The following TBC1D30 variants were observed in gnomAD, a reference collection of about 807,000 sequenced individuals.
TBC1D30 encodes TBC1 domain family member 30, also known as TBC1 domain family, member 30.
TBC1D30 carries 31 observed loss-of-function variants against 63.2 expected under a neutral mutation model. That is an observed-to-expected ratio of 0.49 (90% confidence interval 0.37 to 0.66). The LOEUF (loss-of-function observed/expected upper bound fraction) is 0.66. TBC1D30 is among the 30% of genes least tolerant of loss of function. The pLI, the probability that TBC1D30 is intolerant of heterozygous loss-of-function variation, is 0.00. For missense variants in TBC1D30, 810 were observed against 953.6 expected (o/e 0.85, Z 1.98); for synonymous variants, 307 against 361.5 (o/e 0.85, Z 1.71).
intron 8 of TBC1D30, among the ~76,000 whole-genome samples, chr12:64,858,722 G>A (rs1877522632): frequency 6.6e-6 from 1 of 152,176 alleles, no homozygotes; most frequent in South Asian, 2.1e-4. Context: ...TTTCTATGCT[G>A]TATATTAACT....
At chr12:64,871,561 T>A (rs911433442) in intron 11 of TBC1D30, among the ~76,000 whole-genome samples, 4 of 152,214 alleles carry the variant, frequency 2.6e-5, no homozygotes, top group Admixed American at 1.3e-4. Context: ...AAAACTGAAT[T>A]TACCTTCCAT....
chr12:64,874,102 G>A (rs1485244700), intron 11 of TBC1D30, among the ~76,000 whole-genome samples: 1 of 152,130 alleles, frequency 6.6e-6, no homozygotes, highest in Admixed American at 6.5e-5. Flanking sequence ...TTGTTCGTTT[G>A]TTTTGAGAAG....
rs182389579 is a variant in TBC1D30 at position 64,832,833 on chromosome 12, C to A, written c.594+529C>A. Among the ~76,000 whole-genome samples, 153 of 152,266 alleles carry A rather than the reference C, an allele frequency of 1.0e-3. 2 individuals are homozygous for A. The highest frequency in any genetic ancestry group is 8.2e-3 in the Admixed American group (126 of 15,288). On this transcript the variant is annotated intron_variant, in intron 5 of 11. Coordinates refer to ENST00000539867, the MANE Select transcript of TBC1D30 (RefSeq NM_015279.2). Reference sequence around the variant, plus strand: ...TTCCTTGCTGGCTGTTGACTGGAGGCCTTTTATAGTTCCTTGCCATGTAGC... The same window carrying A: ...TTCCTTGCTGGCTGTTGACTGGAGGACTTTTATAGTTCCTTGCCATGTAGC...
intron 2 of TBC1D30, among the ~76,000 whole-genome samples, chr12:64,789,309 C>T (rs952969829): frequency 1.3e-5 from 2 of 151,436 alleles, no homozygotes; most frequent in African/African-American, 2.4e-5. Context: ...CTCATCCTCC[C>T]GAGTAGCTGG....
intron 8 of TBC1D30, among the ~76,000 whole-genome samples, chr12:64,860,957 C>T (rs116800676): frequency 3.0e-3 from 453 of 152,318 alleles, no homozygotes; most frequent in African/African-American, 1.0e-2. Flanking sequence ...CATCTCATTT[C>T]GCTTACAGTT....
intron 2 of TBC1D30, among the ~76,000 whole-genome samples, chr12:64,807,768 C>T (rs1872956181): frequency 6.6e-6 from 1 of 151,952 alleles, no homozygotes; most frequent in Admixed American, 6.6e-5. Context: ...TTTTTAGAGA[C>T]AGGGTCTTTC....
Position 64,879,368 on chromosome 12 carries a change from G to A in TBC1D30, c.*3580G>A, listed in dbSNP as rs1054853816. 6.6e-6 allele frequency: 1 copy of A among 152,214 alleles called. No individual in the cohort carries two copies. Among genetic ancestry groups the A allele is most frequent in the Admixed American group, 6.5e-5 (1 of 15,284 alleles). 9.4% of individuals were successfully genotyped at this position (152,214 alleles called of 1,614,324 possible). A position where few individuals can be genotyped will look rare whatever the true frequency, so the allele number is the denominator to read the frequency against. ...TTCTGATTAGATAGTAGTAGAGACA[G>A]TATCCTGTTACATGTATGTACATAG... On this transcript the variant is annotated 3_prime_UTR_variant, in exon 12 of 12. Coordinates refer to ENST00000539867, the MANE Select transcript of TBC1D30 (RefSeq NM_015279.2).
rs73327209 is a variant in TBC1D30 at position 64,865,554 on chromosome 12, G to A, written c.1151+774G>A. On this transcript the variant is annotated intron_variant, in intron 9 of 11. Coordinates refer to ENST00000539867, the MANE Select transcript of TBC1D30 (RefSeq NM_015279.2). ...CTAATATGTAAAATTCCTAGAAATC[G>A]ATAAGAAAATGGCCACCCAAGCTGG... Among the ~76,000 whole-genome samples the A allele has an allele frequency of 3.0e-3, 450 of 151,992 alleles. 5 individuals carry two copies. Among genetic ancestry groups the A allele is most frequent in the African/African-American group, 0.01 (434 of 41,464 alleles).
intron 2 of TBC1D30, among the ~76,000 whole-genome samples, chr12:64,791,222 T>C (rs757327642): frequency 2.0e-5 from 3 of 152,144 alleles, no homozygotes; most frequent in Non-Finnish European, 2.9e-5. Context: ...TTGGCAAATA[T>C]GTAGAGACAA....
At chr12:64,765,538 A>T (rs1485158825) in intron 1 of TBC1D30, among the ~76,000 whole-genome samples, 1 of 146,378 alleles carries the variant, frequency 6.8e-6, no homozygotes, top group East Asian at 2.0e-4. Context: ...ATAGGCTCCC[A>T]AACAGGAAAA....
intron 8 of TBC1D30, among the ~76,000 whole-genome samples, chr12:64,856,617 G>A (rs1045064327): frequency 6.6e-6 from 1 of 152,180 alleles, no homozygotes; most frequent in African/African-American, 2.4e-5. Context: ...CTGGGACTGT[G>A]TTGGGTCAGA....
intron 8 of TBC1D30, among the ~76,000 whole-genome samples, chr12:64,863,275 C>A (rs1877946587): frequency 6.6e-6 from 1 of 152,156 alleles, no homozygotes; most frequent in Non-Finnish European, 1.5e-5. Flanking sequence ...TCAGAGGTAA[C>A]CACGATCCTG....
rs1430515531 is a variant in TBC1D30 at position 64,794,731 on chromosome 12, A to G, written c.643+8686A>G. 2.0e-5 allele frequency among the ~76,000 whole-genome samples: 3 copies of G among 152,044 alleles called. No homozygotes were observed. The East Asian group carries it at 5.8e-4, about 29-fold the overall frequency. ...CAGGATTACAGGTGTGAGCCACTGC[A>G]CCTGGCTGTAACGTTTTCTCTCTTT... On this transcript the variant is annotated intron_variant, in intron 2 of 12. Transcript: ENST00000542120.
In TBC1D30 at chr12:64,875,524, G is replaced by C; in HGVS notation, c.2022G>C (p.Val674=). The C allele has an allele frequency of 6.5e-7, 1 of 1,536,130 alleles. No homozygotes were observed. The highest frequency in any genetic ancestry group is 8.7e-7 in the Non-Finnish European group (1 of 1,146,908). The change falls in exon 12 of 12, where the codon GTG becomes GTC. Residue 674 remains valine (V), a synonymous_variant. Coordinates refer to ENST00000539867, the MANE Select transcript of TBC1D30 (RefSeq NM_015279.2). ...CTGCAGCTGAAACTGAGCTCAGGGT[G>C]CACCCACCCTGCCAGCGGCACTGCC... ...RDAAAETELR[V]HPPCQRHCPE...
upstream of TBC1D30, chr12:64,824,478 C>G (rs1308175379): frequency 5.6e-6 from 1 of 177,186 alleles, no homozygotes; most frequent in African/African-American, 2.4e-5. Flanking sequence ...AACGCAGTTA[C>G]GCGCCCACTG....
At chr12:64,841,171 A>T (rs779121107) in intron 7 of TBC1D30, among the ~76,000 whole-genome samples, 1 of 152,210 alleles carries the variant, frequency 6.6e-6, no homozygotes, top group Non-Finnish European at 1.5e-5. Flanking sequence ...CCATAAAAGC[A>T]TATAGGTAAT....
intron 2 of TBC1D30, among the ~76,000 whole-genome samples, chr12:64,805,895 G>A (rs1442098888): frequency 6.6e-6 from 1 of 152,074 alleles, no homozygotes; most frequent in Admixed American, 6.6e-5. Context: ...AGTTGCCATA[G>A]TAAGGAGGAT....
At chr12:64,835,820 G>A (rs1031852273) in intron 5 of TBC1D30, among the ~76,000 whole-genome samples, 1 of 152,148 alleles carries the variant, frequency 6.6e-6, no homozygotes, top group Non-Finnish European at 1.5e-5. Flanking sequence ...TATGTGTTTG[G>A]CTGGGTCATT....
intron 1 of TBC1D30, among the ~76,000 whole-genome samples, chr12:64,784,636 C>T (rs926821848): frequency 1.3e-5 from 2 of 150,942 alleles, no homozygotes; most frequent in Non-Finnish European, 2.9e-5. Context: ...CCTCCCAAAT[C>T]GTAATGATCA....
Sources: allele counts gnomAD v4.1 joint callset (sites outside exome capture counted in the v4.1 genomes callset), GRCh38; gene constraint gnomAD v4.1.1; transcripts MANE v1.5; gene names NCBI Gene and HGNC (gene_info 2026-07-23, HGNC 2026-07-21).